FAM107B: variants seen among roughly 807,000 people sequenced by gnomAD.
FAM107B encodes the protein family with sequence similarity 107 member B.
A neutral mutation model predicts 31.5 loss-of-function variants in FAM107B; 21 were observed. The ratio of observed to expected loss-of-function variants is 0.67; its 90% CI spans 0.47 to 0.96. The LOEUF (loss-of-function observed/expected upper bound fraction) is 0.96, where lower values mean the gene tolerates loss of function less well. Ranked by LOEUF, FAM107B falls within the 40% of genes least tolerant of loss-of-function variation. FAM107B has a pLI of 0.00. For synonymous variants in FAM107B, 157 were observed against 141.5 expected (o/e 1.11, Z -0.78); for missense variants, 452 against 377.1 (o/e 1.20, Z -1.64).
intron 2 of FAM107B, among the ~76,000 whole-genome samples, chr10:14,630,972 G>A (rs1236137800): frequency 6.6e-6 from 1 of 152,040 alleles, no homozygotes; most frequent in Non-Finnish European, 1.5e-5. Flanking sequence ...GCTTGAAATG[G>A]TTTACCTAAT....
intron 2 of FAM107B, among the ~76,000 whole-genome samples, chr10:14,661,084 C>T (rs1163455272): frequency 2.0e-5 from 3 of 152,212 alleles, no homozygotes; most frequent in Non-Finnish European, 4.4e-5. Context: ...GACCTGCCTA[C>T]TTCCCCTTCA....
At chr10:14,735,295 T>C (rs951964513) in intron 1 of FAM107B, among the ~76,000 whole-genome samples, 2 of 152,092 alleles carry the variant, frequency 1.3e-5, no homozygotes, top group Admixed American at 1.3e-4. Context: ...TTTGCAATTT[T>C]TTTTTTTAGC....
At chr10:14,525,837 G>A (rs1472814786) in intron 3 of FAM107B, among the ~76,000 whole-genome samples, 16 of 152,192 alleles carry the variant, frequency 1.1e-4, no homozygotes, top group Admixed American at 1.0e-3. Flanking sequence ...ATTTTGATGA[G>A]TACTGCCAAA....
chr10:14,541,532 C>T (rs944972492), intron 2 of FAM107B, among the ~76,000 whole-genome samples: 2 of 152,138 alleles, frequency 1.3e-5, no homozygotes, highest in Non-Finnish European at 2.9e-5. Context: ...CAAAGACCAG[C>T]TCACAGCCTG....
At chr10:14,739,125 G>A (rs1056284965) in intron 1 of FAM107B, among the ~76,000 whole-genome samples, 4 of 152,136 alleles carry the variant, frequency 2.6e-5, no homozygotes, top group Non-Finnish European at 5.9e-5. Context: ...AAAAGCTGCC[G>A]GTCCTCTAAA....
chr10:14,577,760 G>T (rs1588627689), intron 2 of FAM107B, among the ~76,000 whole-genome samples: 1 of 152,092 alleles, frequency 6.6e-6, no homozygotes, highest in African/African-American at 2.4e-5. Context: ...TGATGAAGCA[G>T]GCCCAATGTT....
intron 1 of FAM107B, among the ~76,000 whole-genome samples, chr10:14,682,406 G>A (rs1854859115): frequency 6.6e-6 from 1 of 152,194 alleles, no homozygotes; most frequent in African/African-American, 2.4e-5. Flanking sequence ...GCGCACGCCT[G>A]TAGTCCCAGC....
At chr10:14,596,766 G>C (rs1852201911) in intron 2 of FAM107B, among the ~76,000 whole-genome samples, 1 of 152,090 alleles carries the variant, frequency 6.6e-6, no homozygotes, top group African/African-American at 2.4e-5. Context: ...CCGACGCCCT[G>C]CCTCCTCTCA....
At chr10:14,541,474 C>G (rs1848194007) in intron 2 of FAM107B, among the ~76,000 whole-genome samples, 1 of 152,196 alleles carries the variant, frequency 6.6e-6, no homozygotes, top group Admixed American at 6.5e-5. Flanking sequence ...CGATTTCCTC[C>G]TGGGCAGAAA....
intron 1 of FAM107B, among the ~76,000 whole-genome samples, chr10:14,764,217 G>T (rs950863468): frequency 5.3e-5 from 8 of 152,156 alleles, no homozygotes; most frequent in African/African-American, 1.9e-4. Flanking sequence ...TTTGCAAATA[G>T]CCCTGCACTA....
intron 1 of FAM107B, among the ~76,000 whole-genome samples, chr10:14,739,610 G>A (rs1856389283): frequency 1.3e-5 from 2 of 149,998 alleles, no homozygotes; most frequent in Non-Finnish European, 2.9e-5. Context: ...TATAGTAAGT[G>A]TTCATGATGA....
chr10:14,606,882 A>G (rs1039261635), intron 2 of FAM107B, among the ~76,000 whole-genome samples: 1 of 152,222 alleles, frequency 6.6e-6, no homozygotes, highest in Admixed American at 6.5e-5. Flanking sequence ...CTGTGGGAAA[A>G]TGAAATGTCT....
At chr10:14,636,705 G>T (rs772953343) in intron 2 of FAM107B, among the ~76,000 whole-genome samples, 1 of 152,172 alleles carries the variant, frequency 6.6e-6, no homozygotes, top group East Asian at 1.9e-4. Context: ...TAGGGGGGGT[G>T]GGGGAGTGGG....
chr10:14,627,701 A>C (rs1279789795), intron 2 of FAM107B, among the ~76,000 whole-genome samples: 1 of 152,178 alleles, frequency 6.6e-6, no homozygotes, highest in Non-Finnish European at 1.5e-5. Context: ...TGAGCCCAGG[A>C]GTTCAAGGCT....
At chr10:14,762,132 G>A (rs9988730) in intron 1 of FAM107B, among the ~76,000 whole-genome samples, 5,314 of 151,490 alleles carry the variant, frequency 0.035, 296 homozygotes, top group African/African-American at 0.12. Flanking sequence ...GTCTTCTGCC[G>A]CCATCCCTAG....
intron 2 of FAM107B, among the ~76,000 whole-genome samples, chr10:14,579,620 C>T (rs1851570416): frequency 6.6e-6 from 1 of 152,174 alleles, no homozygotes; most frequent in Non-Finnish European, 1.5e-5. Context: ...CAAGTAAAAG[C>T]ACACAAGGGC....
Position 14,704,795 on chromosome 10 carries a change from G to T in FAM107B, c.412-37104C>A, listed in dbSNP as rs200551859. 8.5e-5 allele frequency among the ~76,000 whole-genome samples: 13 copies of T among 152,166 alleles called. No individual in the cohort carries two copies. The East Asian group carries it at 2.3e-3, about 27-fold the overall frequency. On this transcript the variant is annotated intron_variant, in intron 1 of 4. Transcript: ENST00000181796. ...TCCCAGCATTTTGGGAGGCCAAGGCGGGTAGATTATTTGAGATCAGAAGTT... is the reference window on the plus strand; with the variant it reads ...TCCCAGCATTTTGGGAGGCCAAGGCTGGTAGATTATTTGAGATCAGAAGTT...
At chr10:14,659,151 T>C (rs1249594270) in intron 2 of FAM107B, among the ~76,000 whole-genome samples, 1 of 152,092 alleles carries the variant, frequency 6.6e-6, no homozygotes, top group African/African-American at 2.4e-5. Context: ...CCTCAAACTG[T>C]CTGCCCTGGC....
chr10:14,705,650 G>A (rs963278949), intron 1 of FAM107B, among the ~76,000 whole-genome samples: 3 of 152,026 alleles, frequency 2.0e-5, no homozygotes. Context: ...CTCCTACAAG[G>A]TCCCTAGAGT....
Sources: gnomAD v4.1 joint callset for allele counts (sites outside exome capture counted in the v4.1 genomes callset) on GRCh38, gnomAD v4.1.1 for gene constraint, MANE v1.5 for transcripts, NCBI Gene and HGNC (gene_info 2026-07-23, HGNC 2026-07-21) for gene names.